The following CLASP1 variants were observed in gnomAD, a reference collection of about 807,000 sequenced individuals.
CLASP1 encodes the protein cytoplasmic linker associated protein 1.
Under a neutral mutation model 192.3 loss-of-function variants are expected in CLASP1, and 38 were observed. That is an observed-to-expected ratio of 0.20 (90% confidence interval 0.15 to 0.26). CLASP1 has a LOEUF of 0.26. CLASP1 is among the 10% of genes least tolerant of loss of function. CLASP1 has a pLI of 1.00. For synonymous variants in CLASP1, 691 were observed against 712.8 expected (o/e 0.97, Z 0.49); for missense variants, 1,433 against 1,932.5 (o/e 0.74, Z 4.85).
intron 8 of CLASP1, among the ~76,000 whole-genome samples, chr2:121,479,412 C>G (rs527730673): frequency 2.6e-4 from 40 of 152,246 alleles, no homozygotes; most frequent in Non-Finnish European, 4.6e-4. Flanking sequence ...ACAATAGCAT[C>G]AATAAAAACA....
intron 2 of CLASP1, among the ~76,000 whole-genome samples, chr2:121,594,578 A>G (rs1218898383): frequency 6.6e-6 from 1 of 151,846 alleles, no homozygotes; most frequent in East Asian, 2.0e-4. Context: ...TTTTTAGTAG[A>G]GACGGGGTTT....
At chr2:121,372,191 C>A (rs2068889992) in intron 34 of CLASP1, among the ~76,000 whole-genome samples, 1 of 152,084 alleles carries the variant, frequency 6.6e-6, no homozygotes, top group South Asian at 2.1e-4. Flanking sequence ...TCCAATGGAG[C>A]CCTTTCATTT....
intron 34 of CLASP1, among the ~76,000 whole-genome samples, chr2:121,375,497 G>GTT: frequency 6.6e-6 from 1 of 151,602 alleles, no homozygotes; most frequent in African/African-American, 2.4e-5. Flanking sequence ...CTGAGTAGCT[G>GTT]GGACTACAGG....
chr2:121,407,782 A>C (rs2077130639), intron 24 of CLASP1, 67 bp from the exon 26 acceptor site: 5 of 1,561,922 alleles, frequency 3.2e-6, no homozygotes, highest in Non-Finnish European at 2.6e-6. Context: ...ACTGTGAGTC[A>C]CACCAAACAA....
chr2:121,608,683 T>C (rs966472260), intron 1 of CLASP1, among the ~76,000 whole-genome samples: 16 of 152,204 alleles, frequency 1.1e-4, no homozygotes, highest in African/African-American at 3.9e-4. Flanking sequence ...CACAGAATTA[T>C]GAGAAATAAC....
At chr2:121,602,685 G>C (rs1343240960) in intron 2 of CLASP1, among the ~76,000 whole-genome samples, 2 of 152,118 alleles carry the variant, frequency 1.3e-5, no homozygotes, top group Non-Finnish European at 2.9e-5. Flanking sequence ...TTTGACAAAG[G>C]TGCCAAGAAC....
intron 8 of CLASP1, among the ~76,000 whole-genome samples, chr2:121,474,353 C>A (rs1347016314): frequency 6.6e-6 from 1 of 152,112 alleles, no homozygotes; most frequent in African/African-American, 2.4e-5. Context: ...GTCTAAATTG[C>A]CTGAAGATGT....
chr2:121,594,641 T>C (rs1351232016), intron 2 of CLASP1, among the ~76,000 whole-genome samples: 1 of 152,108 alleles, frequency 6.6e-6, no homozygotes, highest in Non-Finnish European at 1.5e-5. Context: ...TCTGCCCGCC[T>C]TGGCCTCCCA....
chr2:121,464,892 T>C (rs1352534426), intron 9 of CLASP1, among the ~76,000 whole-genome samples: 1 of 152,248 alleles, frequency 6.6e-6, no homozygotes, highest in African/African-American at 2.4e-5. Flanking sequence ...CCATTGCTTT[T>C]GGTGTTTTAG....
intron 18 of CLASP1, 56 bp from the exon 19 acceptor site, chr2:121,447,563 A>G (rs2149776826): frequency 7.3e-7 from 1 of 1,373,358 alleles, no homozygotes; most frequent in Non-Finnish European, 9.9e-7. Flanking sequence ...TTGAAAATAC[A>G]TTGCTAAAAT....
intron 9 of CLASP1, among the ~76,000 whole-genome samples, chr2:121,468,172 A>G (rs1314795125): frequency 6.6e-6 from 1 of 152,116 alleles, no homozygotes; most frequent in Non-Finnish European, 1.5e-5. Context: ...TACTACTACC[A>G]CACTGTTTTG....
intron 12 of CLASP1, 121 bp from the exon 13 acceptor site, chr2:121,459,096 T>C (rs2087300330): frequency 1.6e-6 from 1 of 637,420 alleles, no homozygotes; most frequent in African/African-American, 1.9e-5. Context: ...GGTCTGAGAT[T>C]TCCGATGTGC....
intron 23 of CLASP1, 149 bp from the exon 25 acceptor site, chr2:121,411,118 G>T: frequency 1.7e-6 from 1 of 589,954 alleles, no homozygotes; most frequent in Non-Finnish European, 3.0e-6. Flanking sequence ...TTTACCAGTG[G>T]TAGAGGTTAA....
intron 2 of CLASP1, among the ~76,000 whole-genome samples, chr2:121,582,667 C>T (rs563971588): frequency 1.3e-5 from 2 of 151,232 alleles, no homozygotes; most frequent in East Asian, 3.9e-4. Flanking sequence ...GGGAGAAAGT[C>T]TTCTTCCTAA....
intron 1 of CLASP1, among the ~76,000 whole-genome samples, chr2:121,613,357 T>C (rs2065919391): frequency 6.6e-6 from 1 of 152,222 alleles, no homozygotes; most frequent in Non-Finnish European, 1.5e-5. Context: ...TGCTCCTTTA[T>C]AGTACCCTGG....
intron 3 of CLASP1, 22 bp from the exon 4 acceptor site, chr2:121,528,802 G>T: frequency 6.3e-7 from 1 of 1,580,270 alleles, no homozygotes; most frequent in South Asian, 1.1e-5. Context: ...AATGGAAACT[G>T]ATCAAATGAA....
intron 38 of CLASP1, 95 bp from the exon 40 acceptor site, chr2:121,347,249 T>C: frequency 1.2e-6 from 1 of 842,714 alleles, no homozygotes; most frequent in South Asian, 1.5e-5. Flanking sequence ...GCCCTCAGAG[T>C]TCAACCTTGG....
At chr2:121,367,960 T>C in intron 34 of CLASP1, 129 bp from the exon 36 acceptor site, 1 of 1,186,856 alleles carries the variant, frequency 8.4e-7, no homozygotes, top group Non-Finnish European at 1.2e-6. Context: ...AAAGGACAGC[T>C]ACTAGTACTG....
At chr2:121,475,560 CA>C (rs1346346477) in intron 8 of CLASP1, among the ~76,000 whole-genome samples, 1 of 152,180 alleles carries the variant, frequency 6.6e-6, no homozygotes, top group Non-Finnish European at 1.5e-5. Context: ...TAAATTAACC[CA>C]TACTGAACTC....
Sources: allele counts gnomAD v4.1 joint callset (sites outside exome capture counted in the v4.1 genomes callset), GRCh38; gene constraint gnomAD v4.1.1; transcripts MANE v1.5; gene names NCBI Gene and HGNC (gene_info 2026-07-23, HGNC 2026-07-21).